The following SPATS2L variants were observed in gnomAD, a reference collection of about 807,000 sequenced individuals.
The protein encoded by SPATS2L is SPATS2-like protein.
In SPATS2L, 30 loss-of-function variants were observed where a neutral mutation model predicts 59.6. The ratio of observed to expected loss-of-function variants is 0.50; its 90% CI spans 0.38 to 0.68. The LOEUF is 0.68. Ranked by LOEUF, SPATS2L falls within the 30% of genes least tolerant of loss-of-function variation. The probability of loss-of-function intolerance (pLI) is 0.00; values close to 1 mark genes in which losing one functional copy is unlikely to be tolerated. For missense variants in SPATS2L, 615 were observed against 700.0 expected (o/e 0.88, Z 1.37); for synonymous variants, 252 against 263.5 (o/e 0.96, Z 0.42).
chr2:200,425,970 A>T (rs1246414720), intron 6 of SPATS2L, among the ~76,000 whole-genome samples: 1 of 152,086 alleles, frequency 6.6e-6, no homozygotes, highest in African/African-American at 2.4e-5. Context: ...CAGTGCTTCA[A>T]TTCAGGCTCT....
At chr2:200,402,223 T>C (rs192233166) in intron 3 of SPATS2L, among the ~76,000 whole-genome samples, 1 of 152,344 alleles carries the variant, frequency 6.6e-6, no homozygotes, top group Admixed American at 6.5e-5. Context: ...ACCTTTAATA[T>C]ACAAGCATCA....
chr2:200,339,588 A>G (rs1574437178), intron 2 of SPATS2L, among the ~76,000 whole-genome samples: 1 of 152,128 alleles, frequency 6.6e-6, no homozygotes, highest in Admixed American at 6.5e-5. Context: ...AGTACCTAAA[A>G]CCCACCATTT....
rs1469821660 is a variant in SPATS2L at position 200,360,342 on chromosome 2, A to C, written c.-22-28881A>C. On this transcript the variant is annotated intron_variant, in intron 2 of 12. Transcript: ENST00000409140. The stretch of plus-strand genomic sequence containing the variant: ...TCAGCTTTCTTTCTGATAAAAGCTC[A>C]CTGGAAAATGTGTCTTTAGATCAGG... Among the ~76,000 whole-genome samples the C allele has an allele frequency of 2.0e-5, 3 of 152,254 alleles. No individual in the cohort carries two copies. The South Asian group carries it at 6.2e-4, about 31-fold the overall frequency.
At chr2:200,473,989 G>A (rs1049444465) in intron 12 of SPATS2L, among the ~76,000 whole-genome samples, 1 of 151,556 alleles carries the variant, frequency 6.6e-6, no homozygotes, top group African/African-American at 2.4e-5. Context: ...AACAGAGTGA[G>A]ACTCCATCTC....
chr2:200,441,490 G>A (rs888109627), intron 8 of SPATS2L, among the ~76,000 whole-genome samples: 3 of 152,194 alleles, frequency 2.0e-5, no homozygotes, highest in African/African-American at 7.2e-5. Context: ...TTTATTGGCT[G>A]ATATACATGA....
chr2:200,466,221 T>C (rs531710090), intron 9 of SPATS2L, among the ~76,000 whole-genome samples: 8 of 152,362 alleles, frequency 5.3e-5, no homozygotes, highest in African/African-American at 1.7e-4. Context: ...GCTGTGAATC[T>C]GGTCTAATAA....
At chr2:200,377,662 G>A (rs569500179) in intron 2 of SPATS2L, among the ~76,000 whole-genome samples, 10 of 152,326 alleles carry the variant, frequency 6.6e-5, no homozygotes, top group African/African-American at 2.4e-4. Context: ...GCTTTTTGCC[G>A]TTAAACTGAA....
intron 8 of SPATS2L, among the ~76,000 whole-genome samples, chr2:200,452,394 T>A (rs922885597): frequency 1.3e-5 from 2 of 152,232 alleles, no homozygotes; most frequent in African/African-American, 2.4e-5. Flanking sequence ...GTATATTTTT[T>A]AATTAATTAT....
intron 1 of SPATS2L, 101 bp from the exon 2 acceptor site, chr2:200,329,330 G>A (rs1352188841): frequency 2.0e-6 from 2 of 978,380 alleles, no homozygotes; most frequent in African/African-American, 3.2e-5. Context: ...CTGTCTTCTT[G>A]ACTCCAGATC....
intron 3 of SPATS2L, among the ~76,000 whole-genome samples, chr2:200,391,411 A>G (rs985697858): frequency 6.6e-6 from 1 of 152,220 alleles, no homozygotes; most frequent in Non-Finnish European, 1.5e-5. Context: ...ATATTTCAAT[A>G]TAAGTAGTTT....
chr2:200,306,107 G>A, upstream of SPATS2L: 1 of 986,450 alleles, frequency 1.0e-6, no homozygotes, highest in Non-Finnish European at 1.2e-6. Context: ...GGGTTGGTCG[G>A]GTTTCCAAGG....
chr2:200,458,727 C>T (rs188357548), intron 8 of SPATS2L, among the ~76,000 whole-genome samples: 4 of 121,676 alleles, frequency 3.3e-5, no homozygotes, highest in African/African-American at 5.4e-5. Flanking sequence ...GGTTTTAACA[C>T]ACTGTTAAAA....
At chr2:200,360,299 C>T (rs1374589834) in intron 2 of SPATS2L, among the ~76,000 whole-genome samples, 1 of 152,138 alleles carries the variant, frequency 6.6e-6, no homozygotes, top group African/African-American at 2.4e-5. Context: ...GGCAGTCAGG[C>T]AAGAGGAGAG....
chr2:200,455,271 T>C (rs1460878060), intron 8 of SPATS2L, among the ~76,000 whole-genome samples: 8 of 152,194 alleles, frequency 5.3e-5, no homozygotes, highest in Admixed American at 5.2e-4. Context: ...CAGAAGTTTT[T>C]AAAAACTTAG....
intron 8 of SPATS2L, among the ~76,000 whole-genome samples, chr2:200,447,910 A>G (rs1323025816): frequency 6.6e-6 from 1 of 152,232 alleles, no homozygotes; most frequent in Non-Finnish European, 1.5e-5. Flanking sequence ...AATTCCTTAG[A>G]TTAAACAAGT....
chr2:200,393,222 G>C (rs1281428125), intron 3 of SPATS2L: 3 of 456,716 alleles, frequency 6.6e-6, no homozygotes, highest in Non-Finnish European at 1.3e-5. Context: ...TAAAGAATCA[G>C]ACTCATAGCA....
intron 2 of SPATS2L, among the ~76,000 whole-genome samples, chr2:200,348,816 C>T (rs564414824): frequency 4.2e-4 from 63 of 151,634 alleles, no homozygotes; most frequent in African/African-American, 1.4e-3. Context: ...TACTCCGTTT[C>T]AGAGCTGGCC....
intron 6 of SPATS2L, among the ~76,000 whole-genome samples, chr2:200,431,843 C>T (rs1158774968): frequency 6.6e-6 from 1 of 152,104 alleles, no homozygotes; most frequent in Non-Finnish European, 1.5e-5. Context: ...TTTGGCACTG[C>T]TAACAAAAAC....
intron 1 of SPATS2L, among the ~76,000 whole-genome samples, chr2:200,308,572 T>C (rs1334452017): frequency 6.6e-6 from 1 of 152,202 alleles, no homozygotes; most frequent in Non-Finnish European, 1.5e-5. Flanking sequence ...ATGTCAAATC[T>C]GTATCTGTGT....
Sources: gnomAD v4.1 joint callset for allele counts (sites outside exome capture counted in the v4.1 genomes callset) on GRCh38, gnomAD v4.1.1 for gene constraint, MANE v1.5 for transcripts, NCBI Gene and HGNC (gene_info 2026-07-23, HGNC 2026-07-21) for gene names.